TAF3: variants seen among roughly 807,000 people sequenced by gnomAD.
TAF3 encodes TATA-box binding protein associated factor 3.
Under a neutral mutation model 80.6 loss-of-function variants are expected in TAF3, and 7 were observed. That is an observed-to-expected ratio of 0.09 (90% CI 0.05 to 0.16). The LOEUF is 0.16. Among genes scored for constraint, TAF3 ranks in the 10% least tolerant of loss-of-function variants. The pLI, the probability that TAF3 is intolerant of heterozygous loss-of-function variation, is 1.00. For missense variants in TAF3, 921 were observed against 1,140.2 expected (o/e 0.81, Z 2.77); for synonymous variants, 444 against 446.1 (o/e 1.00, Z 0.06).
At chr10:7,935,589 A>G (rs1837911067) in intron 2 of TAF3, among the ~76,000 whole-genome samples, 1 of 152,198 alleles carries the variant, frequency 6.6e-6, no homozygotes, top group Non-Finnish European at 1.5e-5. Context: ...GTCTCAAATA[A>G]ATAAATAAAT....
In TAF3 at chr10:7,884,587, C is replaced by G. The variant is rs1032384926; in HGVS notation, c.409+60027C>G. Among the ~76,000 whole-genome samples the G allele has an allele frequency of 2.0e-5, 3 of 152,040 alleles. No homozygotes were observed. In the South Asian group the frequency reaches 6.2e-4, roughly 32 times the overall value. ...TTTTTTAGTAGAGATGGGGTTTCAT[C>G]GTGTTGGCCGGGCTGGTCTCAAACT... On this transcript the variant is annotated intron_variant, in intron 2 of 6. Coordinates refer to ENST00000344293, the MANE Select transcript of TAF3 (RefSeq NM_031923.4).
chr10:7,933,874 C>T (rs750797519), intron 2 of TAF3, among the ~76,000 whole-genome samples: 2 of 152,148 alleles, frequency 1.3e-5, no homozygotes, highest in African/African-American at 2.4e-5. Flanking sequence ...TTCAAAGATG[C>T]ACGTTTTCCC....
At chr10:7,833,692 G>T in intron 2 of TAF3, 1 of 192,854 alleles carries the variant, frequency 5.2e-6, no homozygotes, top group East Asian at 1.2e-4. Context: ...GCATTGGCAC[G>T]GGCCATGCAG....
rs1836653836 is a variant in TAF3, at chr10:7,818,560, T to C, written c.-150T>C. On this transcript the variant is annotated 5_prime_UTR_variant, in exon 1 of 7. Coordinates refer to ENST00000344293, the MANE Select transcript of TAF3 (RefSeq NM_031923.4). ...GCTCTCAGGCTGGCGCGCTCCGTGC[T>C]GCTGGGGCTTTGAGGTGGTCGCCGG... is the stretch of plus-strand genomic sequence containing the variant. The C allele has an allele frequency of 7.6e-6, 6 of 791,108 alleles. No homozygotes were observed. The highest frequency in any genetic ancestry group is 5.5e-5 in the African/African-American group (3 of 54,724). 49.0% of individuals were successfully genotyped at this position (791,108 alleles called of 1,614,324 possible). A position where few individuals can be genotyped will look rare whatever the true frequency, so the allele number is the denominator to read the frequency against.
chr10:7,987,780 G>C (rs916508541), intron 4 of TAF3, among the ~76,000 whole-genome samples: 1 of 152,156 alleles, frequency 6.6e-6, no homozygotes, highest in African/African-American at 2.4e-5. Context: ...CTTCTCCCTC[G>C]TGGGCCTGTG....
intron 2 of TAF3, among the ~76,000 whole-genome samples, chr10:7,939,383 G>A (rs976716365): frequency 5.3e-5 from 8 of 152,042 alleles, no homozygotes; most frequent in African/African-American, 1.7e-4. Flanking sequence ...AATACATACT[G>A]ACAATAACAT....
chr10:8,011,734 C>T (rs189293205), intron 5 of TAF3, among the ~76,000 whole-genome samples: 1 of 152,312 alleles, frequency 6.6e-6, no homozygotes, highest in African/African-American at 2.4e-5. Context: ...ACCTCCTTGA[C>T]CTTCGTGTCT....
chr10:7,860,911 G>A (rs1837139030), intron 2 of TAF3, among the ~76,000 whole-genome samples: 1 of 150,510 alleles, frequency 6.6e-6, no homozygotes, highest in African/African-American at 2.4e-5. Context: ...GCAATTCTCT[G>A]CTTCAGCCTT....
At position 7,923,112 on chromosome 10, in the gene TAF3, T is replaced by C. The variant is rs149027381; in HGVS notation, c.410-40808T>C. Among the ~76,000 whole-genome samples, 563 of 152,244 alleles carry C rather than the reference T, an allele frequency of 3.7e-3. 4 individuals are homozygous for C. The highest frequency in any genetic ancestry group is 0.02 in the South Asian group (96 of 4,826). Reference sequence around the variant, plus strand: ...GTCATTAAATATAAGCAACTGTATTTACATTCTACTATGAGTATGACAGAA... The same window carrying C: ...GTCATTAAATATAAGCAACTGTATTCACATTCTACTATGAGTATGACAGAA... On this transcript the variant is annotated intron_variant, in intron 2 of 6. Coordinates refer to ENST00000344293, the MANE Select transcript of TAF3 (RefSeq NM_031923.4).
At chr10:7,930,639 G>A (rs1468145308) in intron 2 of TAF3, among the ~76,000 whole-genome samples, 1 of 152,138 alleles carries the variant, frequency 6.6e-6, no homozygotes, top group Non-Finnish European at 1.5e-5. Context: ...AAGTACCTGA[G>A]TACAGTCATC....
At chr10:8,002,139 C>T (rs981912419) in intron 4 of TAF3, among the ~76,000 whole-genome samples, 3 of 152,150 alleles carry the variant, frequency 2.0e-5, no homozygotes, top group Non-Finnish European at 2.9e-5. Context: ...TCCTATCATC[C>T]TCTGTTCTCT....
At chr10:7,858,458 T>G (rs1588527062) in intron 2 of TAF3, among the ~76,000 whole-genome samples, 1 of 152,188 alleles carries the variant, frequency 6.6e-6, no homozygotes, top group African/African-American at 2.4e-5. Context: ...TTAGCAGGGG[T>G]TGTTCTTGCA....
At position 7,863,694 on chromosome 10, in the gene TAF3, T is replaced by TATATATATACACATATATATATACAC. The variant is rs1837176835; in HGVS notation, c.409+39143_409+39144insCACATATATATATACACATATATATA. Among the ~76,000 whole-genome samples the TATATATATACACATATATATATACAC allele has an allele frequency of 4.0e-3, 140 of 34,612 alleles. 26 individuals are homozygous for TATATATATACACATATATATATACAC. The highest frequency in any genetic ancestry group is 0.011 in the African/African-American group (97 of 8,976). The allele number at this position is 34,612 out of a possible 152,430, so 22.7% of individuals were successfully genotyped here. A position where few individuals can be genotyped will look rare whatever the true frequency, so the allele number is the denominator to read the frequency against. The stretch of plus-strand genomic sequence containing the variant: ...ACACATATATATATATACACACACA[T>TATATATATACACATATATATATACAC]ATATATATATACACATATATATATA... On this transcript the variant is annotated intron_variant, in intron 2 of 6. Coordinates refer to ENST00000344293, the MANE Select transcript of TAF3 (RefSeq NM_031923.4).
At chr10:7,963,668 G>A (rs760842383) in intron 2 of TAF3, among the ~76,000 whole-genome samples, 21 of 152,080 alleles carry the variant, frequency 1.4e-4, no homozygotes, top group Non-Finnish European at 3.1e-4. Flanking sequence ...GGGAGGTCGG[G>A]GGCTGGGGGA....
rs541709063 is a variant in TAF3, at chr10:7,827,577, C to G, written c.409+3017C>G. ...CGGGCGGATCACGAGGTCAGGAGAT[C>G]GAGACCATCCTGGCTAACACAGTGA... On this transcript the variant is annotated intron_variant, in intron 2 of 6. Coordinates refer to ENST00000344293, the MANE Select transcript of TAF3 (RefSeq NM_031923.4). 5.3e-5 allele frequency among the ~76,000 whole-genome samples: 8 copies of G among 152,036 alleles called. No individual in the cohort carries two copies. The East Asian group carries it at 1.5e-3, about 29-fold the overall frequency.
Position 8,009,015 on chromosome 10 carries a change from A to G in TAF3, c.2316-63A>G. 6.5e-7 allele frequency: 1 copy of G among 1,547,734 alleles called. No homozygotes were observed. The stretch of plus-strand genomic sequence containing the variant: ...AAGCTATTTTACGATCATGTTTTTA[A>G]GCACGGGTTTGGTTCGATGATGATC... On this transcript the variant is annotated intron_variant, in intron 4 of 6. Transcript: ENST00000344293. The surrounding 1 kb of genome is among the most constrained non-coding windows in gnomAD (Gnocchi z 4.1).
intron 2 of TAF3, among the ~76,000 whole-genome samples, chr10:7,867,062 G>A (rs2778476): frequency 1.3e-5 from 2 of 152,040 alleles, no homozygotes; most frequent in Non-Finnish European, 2.9e-5. Context: ...AGTCTGAGAC[G>A]AGCCTGGTGA....
intron 2 of TAF3, among the ~76,000 whole-genome samples, chr10:7,906,403 T>C (rs1052079405): frequency 6.6e-6 from 1 of 152,212 alleles, no homozygotes; most frequent in African/African-American, 2.4e-5. Flanking sequence ...AGCTACATGA[T>C]TCTTATTCAA....
chr10:7,960,526 G>A (rs921306277), intron 2 of TAF3, among the ~76,000 whole-genome samples: 1 of 152,158 alleles, frequency 6.6e-6, no homozygotes, highest in Non-Finnish European at 1.5e-5. Flanking sequence ...CTTAGAAGTC[G>A]CCAACATGTT....
Sources: gnomAD v4.1 joint callset for allele counts (sites outside exome capture counted in the v4.1 genomes callset) on GRCh38, gnomAD v4.1.1 for gene constraint, Gnocchi (gnomAD v3.1) non-coding constraint, MANE v1.5 for transcripts, NCBI Gene and HGNC (gene_info 2026-07-23, HGNC 2026-07-21) for gene names.